Variants in CBL observed in about 807,000 individuals in gnomAD.
CBL encodes Cbl proto-oncogene.
In CBL, 45 loss-of-function variants were observed where a neutral mutation model predicts 96.9. That is an observed-to-expected ratio of 0.46 (90% confidence interval 0.37 to 0.60). The LOEUF is 0.60. Ranked by LOEUF, CBL falls within the 20% of genes least tolerant of loss-of-function variation. The probability of loss-of-function intolerance (pLI) is 0.00; values close to 1 mark genes in which losing one functional copy is unlikely to be tolerated. For synonymous variants in CBL, 420 were observed against 426.8 expected, an observed-to-expected ratio of 0.98 and a Z score of 0.20; for missense variants, 1,024 against 1,143.5, an observed-to-expected ratio of 0.90 and a Z score of 1.51.
chr11:119,268,924 T>TCA, intron 2 of CBL, among the ~76,000 whole-genome samples: 1 of 152,320 alleles, frequency 6.6e-6, no homozygotes, highest in East Asian at 1.9e-4. Context: ...GCGTAGTTCT[T>TCA]CACACACATA....
intron 12 of CBL, among the ~76,000 whole-genome samples, chr11:119,291,052 A>G (rs972550619): frequency 1.7e-4 from 26 of 152,156 alleles, no homozygotes; most frequent in Admixed American, 1.6e-3. Context: ...TTTGGCTTCC[A>G]TTGTTTCTGT....
rs1017984078 is a variant in CBL at position 119,307,608 on chromosome 11, T to C, written c.*7827T>C. 1 of 231,658 alleles carries C rather than the reference T, an allele frequency of 4.3e-6. No homozygotes were observed. The highest frequency in any genetic ancestry group is 6.1e-5 in the East Asian group (1 of 16,340). The allele number at this position is 231,658 out of a possible 1,614,324, so 14.4% of individuals were successfully genotyped here. On this transcript the variant is annotated 3_prime_UTR_variant, in exon 16 of 16. Coordinates refer to ENST00000264033, the MANE Select transcript of CBL (RefSeq NM_005188.4). ...TGACTATAGTGAGCTTTAGCAAAAGTTTTTCTATATAATGACATCTTACTT... is the reference window on the plus strand; with the variant it reads ...TGACTATAGTGAGCTTTAGCAAAAGCTTTTCTATATAATGACATCTTACTT...
chr11:119,232,512 T>C lies in CBL; in HGVS notation c.260T>C (p.Leu87Pro). Residue 87 changes from leucine (L) to proline (P), a missense_variant, in exon 2 of 16, where the codon CTG becomes CCG. Transcript: ENST00000264033. Reference protein sequence around the residue: ...LKNSPPYILDLLPDTYQHLRT... With the variant: ...LKNSPPYILDPLPDTYQHLRT... ...AATAGCCCACCTTATATCTTAGACC[T>C]GCTACCAGATACCTACCAGCATCTC... 6.2e-7 allele frequency: 1 copy of C among 1,613,994 alleles called. No homozygotes were observed. Among genetic ancestry groups the C allele is most frequent in the Non-Finnish European group, 8.5e-7 (1 of 1,179,848 alleles).
intron 2 of CBL, among the ~76,000 whole-genome samples, chr11:119,239,339 C>T (rs1481497530): frequency 6.6e-6 from 1 of 152,118 alleles, no homozygotes; most frequent in Non-Finnish European, 1.5e-5. Context: ...TTTTTGCCTT[C>T]TTAGTTAAGT....
intron 9 of CBL, among the ~76,000 whole-genome samples, chr11:119,284,000 C>T (rs1269732496): frequency 6.6e-6 from 1 of 151,920 alleles, no homozygotes. Context: ...TAGTGATATT[C>T]TTGATCATTT....
chr11:119,277,819 C>T lies in CBL; in HGVS notation c.1070C>T (p.Pro357Leu). 1 of 1,613,582 alleles carries T rather than the reference C, an allele frequency of 6.2e-7. No homozygotes were observed. Among genetic ancestry groups the T allele is most frequent in the East Asian group, 2.2e-5 (1 of 44,860 alleles). The change falls in exon 7 of 16, where the codon CCC becomes CTC. Residue 357 changes from proline to leucine, a missense_variant. Coordinates refer to ENST00000264033, the MANE Select transcript of CBL (RefSeq NM_005188.4). Reference sequence around the variant, plus strand: ...CTGACTGGCTTATGTGAACCAACTCCCCAAGACCATATCAAAGTGACCCAG... The same window carrying T: ...CTGACTGGCTTATGTGAACCAACTCTCCAAGACCATATCAAAGTGACCCAG... ...PDLTGLCEPTPQDHIKVTQEQ... is the reference protein window; with the variant it reads ...PDLTGLCEPTLQDHIKVTQEQ...
At position 119,285,422 on chromosome 11, in the gene CBL, A is replaced by G. The variant is rs767193561; in HGVS notation, c.1797A>G (p.Pro599=). The G allele has an allele frequency of 1.9e-6, 3 of 1,614,170 alleles. No individual in the cohort carries two copies. The Admixed American group carries it at 5.0e-5, about 27-fold the overall frequency. The change falls in exon 11 of 16, where the codon CCA becomes CCG. Residue 599 remains proline (P), a synonymous_variant. Coordinates refer to ENST00000264033, the MANE Select transcript of CBL (RefSeq NM_005188.4). ...TGCCCCGGCCAATCCCCAAAGTACC[A>G]GTATCTGCCCCAAGTTCCAGTGATC... The part of the protein sequence containing the change: ...SWLPRPIPKV[P]VSAPSSSDPW...
chr11:119,209,045 A>C (rs1949296986), intron 1 of CBL, among the ~76,000 whole-genome samples: 1 of 152,130 alleles, frequency 6.6e-6, no homozygotes, highest in South Asian at 2.1e-4. Flanking sequence ...TTCCCCTCTT[A>C]TCACGTATTT....
intron 1 of CBL, among the ~76,000 whole-genome samples, chr11:119,229,985 G>A (rs1949488818): frequency 6.6e-6 from 1 of 152,074 alleles, no homozygotes; most frequent in Non-Finnish European, 1.5e-5. Context: ...ATCCAAGCAC[G>A]TTCATCACTG....
chr11:119,290,725 G>C (rs1039497507), intron 12 of CBL, among the ~76,000 whole-genome samples: 2 of 148,634 alleles, frequency 1.3e-5, no homozygotes, highest in Admixed American at 6.7e-5. Flanking sequence ...ACCCAGGCTG[G>C]AGTCCAGTGG....
chr11:119,253,150 A>C (rs1209435734), intron 2 of CBL, among the ~76,000 whole-genome samples: 3 of 152,186 alleles, frequency 2.0e-5, no homozygotes, highest in Non-Finnish European at 4.4e-5. Context: ...AAGTGTTCTC[A>C]TAGTTTAATC....
At chr11:119,272,469 A>G (rs1949856748) in intron 3 of CBL, among the ~76,000 whole-genome samples, 1 of 152,232 alleles carries the variant, frequency 6.6e-6, no homozygotes, top group Admixed American at 6.5e-5. Flanking sequence ...TGCTATCAGC[A>G]GTGAGCAATA....
At chr11:119,287,646 C>G (rs866198585) in intron 11 of CBL, among the ~76,000 whole-genome samples, 1 of 152,206 alleles carries the variant, frequency 6.6e-6, no homozygotes, top group East Asian at 1.9e-4. Context: ...CTGGCTCTTT[C>G]TAGATCTCCA....
chr11:119,281,636 A>G (rs1005093451), intron 9 of CBL, among the ~76,000 whole-genome samples: 1 of 151,728 alleles, frequency 6.6e-6, no homozygotes, highest in Non-Finnish European at 1.5e-5. Flanking sequence ...CTGGGACTAC[A>G]GGCGCCTGCC....
intron 2 of CBL, among the ~76,000 whole-genome samples, chr11:119,261,684 G>T (rs183651961): frequency 1.3e-5 from 2 of 152,152 alleles, no homozygotes; most frequent in African/African-American, 2.4e-5. Context: ...TCAATTGTGG[G>T]CAAATGCTCC....
intron 12 of CBL, among the ~76,000 whole-genome samples, chr11:119,295,844 T>C (rs557833011): frequency 7.9e-5 from 12 of 152,362 alleles, no homozygotes; most frequent in African/African-American, 2.4e-4. Context: ...TTTAGCATTT[T>C]ATTATACTTG....
chr11:119,259,920 C>T (rs1949741092), intron 2 of CBL, among the ~76,000 whole-genome samples: 1 of 152,162 alleles, frequency 6.6e-6, no homozygotes, highest in African/African-American at 2.4e-5. Flanking sequence ...CTTACCTCCA[C>T]ACTCTTCTCA....
At chr11:119,218,495 A>G (rs1243822116) in intron 1 of CBL, among the ~76,000 whole-genome samples, 1 of 152,226 alleles carries the variant, frequency 6.6e-6, no homozygotes, top group Non-Finnish European at 1.5e-5. Context: ...TGAAAATATT[A>G]AATGGAAAAT....
At position 119,298,452 on chromosome 11, in the gene CBL, G is replaced by C. The variant is rs762655460; in HGVS notation, c.2346G>C (p.Pro782=). The C allele has an allele frequency of 6.2e-7, 1 of 1,614,116 alleles. No individual in the cohort carries two copies. Among genetic ancestry groups the C allele is most frequent in the South Asian group, 1.1e-5 (1 of 91,074 alleles). ...ATGATGTCCCAAAGCCACCTGTGCC[G>C]GCCGTGCTGGCCCGCCGAACTCTCT... ...DGYDVPKPPV[P]AVLARRTLSD... Residue 782 remains proline, a synonymous_variant, in exon 15 of 16, where the codon CCG becomes CCC. Coordinates refer to ENST00000264033, the MANE Select transcript of CBL (RefSeq NM_005188.4).
Sources: allele counts gnomAD v4.1 joint callset (sites outside exome capture counted in the v4.1 genomes callset), GRCh38; gene constraint gnomAD v4.1.1; transcripts MANE v1.5; gene names NCBI Gene and HGNC (gene_info 2026-07-23, HGNC 2026-07-21).